Variants in CADM1 observed in about 807,000 individuals in gnomAD.
CADM1 encodes TSLC-1.
CADM1 carries 15 observed loss-of-function variants against 53.1 expected under a neutral mutation model. The ratio of observed to expected loss-of-function variants is 0.28; its 90% CI spans 0.19 to 0.44. CADM1 has a LOEUF of 0.44. CADM1 is among the 20% of genes least tolerant of loss of function. CADM1 has a pLI of 1.00. For missense variants in CADM1, 434 were observed against 611.3 expected (o/e 0.71, Z 3.06); for synonymous variants, 281 against 243.0 (o/e 1.16, Z -1.45).
chr11:115,497,610 C>A (rs1434293890), intron 1 of CADM1, among the ~76,000 whole-genome samples: 1 of 152,150 alleles, frequency 6.6e-6, no homozygotes, highest in Non-Finnish European at 1.5e-5. Context: ...CTGGCTAGAG[C>A]CTGCAATTTA....
chr11:115,477,898 A>G (rs905859768), intron 1 of CADM1, among the ~76,000 whole-genome samples: 7 of 152,240 alleles, frequency 4.6e-5, no homozygotes, highest in African/African-American at 1.4e-4. Flanking sequence ...ATCCTGCAGA[A>G]TACAGATTCC....
At chr11:115,414,974 T>A (rs1331838216) in intron 1 of CADM1, among the ~76,000 whole-genome samples, 1 of 152,188 alleles carries the variant, frequency 6.6e-6, no homozygotes, top group African/African-American at 2.4e-5. Context: ...TATCCCCTAA[T>A]AAGGAGGATC....
intron 1 of CADM1, among the ~76,000 whole-genome samples, chr11:115,429,231 TA>T (rs566723242): frequency 1.3e-5 from 2 of 151,456 alleles, no homozygotes; most frequent in Admixed American, 6.6e-5. Flanking sequence ...TGCTGAGAAC[TA>T]AAAAAAATAG....
At chr11:115,316,169 G>C (rs1591702183) in intron 1 of CADM1, among the ~76,000 whole-genome samples, 1 of 152,170 alleles carries the variant, frequency 6.6e-6, no homozygotes, top group South Asian at 2.1e-4. Flanking sequence ...AGTATGTAAG[G>C]TTTTTCAAGT....
At chr11:115,329,445 C>CCT (rs1399382217) in intron 1 of CADM1, among the ~76,000 whole-genome samples, 1 of 152,114 alleles carries the variant, frequency 6.6e-6, no homozygotes. Context: ...CCCTGACCCC[C>CCT]CTCACAAGAC....
At chr11:115,488,779 T>G (rs1165746706) in intron 1 of CADM1, among the ~76,000 whole-genome samples, 1 of 152,208 alleles carries the variant, frequency 6.6e-6, no homozygotes, top group Non-Finnish European at 1.5e-5. Context: ...GTCACACAAA[T>G]AGTGGAAGCA....
At chr11:115,178,067 T>C in intron 11 of CADM1, among the ~76,000 whole-genome samples, 1 of 152,178 alleles carries the variant, frequency 6.6e-6, no homozygotes, top group East Asian at 1.9e-4. Flanking sequence ...GACTGCACAG[T>C]TGATAAGTGT....
At chr11:115,482,966 G>A (rs1466773800) in intron 1 of CADM1, among the ~76,000 whole-genome samples, 1 of 152,108 alleles carries the variant, frequency 6.6e-6, no homozygotes, top group Non-Finnish European at 1.5e-5. Flanking sequence ...CTGTCATTGG[G>A]CAAGCAGTGA....
At chr11:115,296,982 A>C (rs1252018174) in intron 1 of CADM1, among the ~76,000 whole-genome samples, 1 of 152,222 alleles carries the variant, frequency 6.6e-6, no homozygotes, top group Non-Finnish European at 1.5e-5. Flanking sequence ...AATTTTTTAA[A>C]ACAAATCAGT....
intron 1 of CADM1, among the ~76,000 whole-genome samples, chr11:115,381,692 C>G (rs745308655): frequency 6.6e-6 from 1 of 152,120 alleles, no homozygotes; most frequent in Non-Finnish European, 1.5e-5. Flanking sequence ...ACCTGACACA[C>G]GAAGTACATT....
intron 1 of CADM1, among the ~76,000 whole-genome samples, chr11:115,416,949 A>C (rs2135260622): frequency 6.6e-6 from 1 of 152,352 alleles, no homozygotes; most frequent in African/African-American, 2.4e-5. Flanking sequence ...AAACCAATAC[A>C]GTAAAAGCAT....
chr11:115,473,433 T>C (rs928277981), intron 1 of CADM1, among the ~76,000 whole-genome samples: 1 of 152,160 alleles, frequency 6.6e-6, no homozygotes, highest in African/African-American at 2.4e-5. Flanking sequence ...CACTCCAGCC[T>C]GGATGACACA....
At chr11:115,346,091 A>C (rs1349540178) in intron 1 of CADM1, among the ~76,000 whole-genome samples, 1 of 63,296 alleles carries the variant, frequency 1.6e-5, no homozygotes, top group East Asian at 5.0e-4. Context: ...TACCTTAAGA[A>C]GTTCCTTTTT....
chr11:115,211,651 T>A lies in CADM1; in HGVS notation c.995-1994A>T, dbSNP rs536372943. ...TGCGCCACCACACCCAGCTAATTTT[T>A]GTATTTTTTTTTTTTTTTTAGTAGA... is the stretch of plus-strand genomic sequence containing the variant. On this transcript the variant is annotated intron_variant, in intron 7 of 11. Coordinates refer to ENST00000331581, the MANE Select transcript of CADM1 (RefSeq NM_001301043.2). 7.2e-5 allele frequency among the ~76,000 whole-genome samples: 10 copies of A among 139,010 alleles called. No individual in the cohort carries two copies. In the South Asian group the frequency reaches 7.6e-4, roughly 11 times the overall value. The allele number at this position is 139,010 out of a possible 152,430, so 91.2% of individuals were successfully genotyped here.
Position 115,496,625 on chromosome 11 carries a change from T to A in CADM1, c.124+7646A>T, listed in dbSNP as rs190464148. ...GGTTTCTGAATGGGAAATGTTATGA[T>A]CCTGTCCTGAAAAGAATTAGAATTG... On this transcript the variant is annotated intron_variant, in intron 1 of 11. Coordinates refer to ENST00000331581, the MANE Select transcript of CADM1 (RefSeq NM_001301043.2). Among the ~76,000 whole-genome samples, 60 of 152,224 alleles carry A rather than the reference T, an allele frequency of 3.9e-4. 2 individuals carry two copies. In the East Asian group the frequency reaches 0.011, roughly 28 times the overall value.
At chr11:115,318,318 A>G (rs1424024691) in intron 1 of CADM1, among the ~76,000 whole-genome samples, 1 of 152,162 alleles carries the variant, frequency 6.6e-6, no homozygotes, top group Non-Finnish European at 1.5e-5. Flanking sequence ...TTGGCCTCAT[A>G]AATAAAATCA....
chr11:115,344,983 C>T (rs982239464), intron 1 of CADM1, among the ~76,000 whole-genome samples: 1 of 152,210 alleles, frequency 6.6e-6, no homozygotes, highest in African/African-American at 2.4e-5. Flanking sequence ...CCCAGGTTTT[C>T]ATGCATTCTT....
At chr11:115,263,574 T>C (rs1943039315) in intron 1 of CADM1, among the ~76,000 whole-genome samples, 1 of 152,228 alleles carries the variant, frequency 6.6e-6, no homozygotes, top group Admixed American at 6.5e-5. Context: ...CTCCCATTTA[T>C]TTATTCAGTA....
intron 1 of CADM1, among the ~76,000 whole-genome samples, chr11:115,476,921 TTTTA>T (rs1258639717): frequency 6.6e-6 from 1 of 152,176 alleles, no homozygotes; most frequent in African/African-American, 2.4e-5. Flanking sequence ...CCTTTGGTAA[TTTTA>T]TTTATTATAA....
Sources: gnomAD v4.1 joint callset for allele counts (sites outside exome capture counted in the v4.1 genomes callset) on GRCh38, gnomAD v4.1.1 for gene constraint, MANE v1.5 for transcripts, NCBI Gene and HGNC (gene_info 2026-07-23, HGNC 2026-07-21) for gene names.